The following MYO3B variants were observed in gnomAD, a reference collection of about 807,000 sequenced individuals.
The protein encoded by MYO3B is myosin IIIB, also known as myosin-IIIb.
In MYO3B, 156 loss-of-function variants were observed where a neutral mutation model predicts 174.6. The observed-to-expected ratio is 0.89, with a 90% CI of 0.78 to 1.02. The LOEUF (loss-of-function observed/expected upper bound fraction) is 1.02, where lower values mean the gene tolerates loss of function less well. Ranked by LOEUF, MYO3B falls within the 50% of genes least tolerant of loss-of-function variation. The pLI, the probability that MYO3B is intolerant of heterozygous loss-of-function variation, is 0.00. For missense variants in MYO3B, 1,632 were observed against 1,639.4 expected (o/e 1.00, Z 0.08); for synonymous variants, 563 against 569.1 (o/e 0.99, Z 0.15).
chr2:170,536,577 C>T (rs12466567), intron 30 of MYO3B, among the ~76,000 whole-genome samples: 39,510 of 152,078 alleles, frequency 0.26, 5,420 homozygotes, highest in South Asian at 0.4. Context: ...TGTACTGTTA[C>T]TGTTTCTCCT....
intron 32 of MYO3B, among the ~76,000 whole-genome samples, chr2:170,630,162 A>G (rs10209993): frequency 0.22 from 33,675 of 152,112 alleles, 4,718 homozygotes; most frequent in East Asian, 0.44. Flanking sequence ...GCCAAGGGAA[A>G]CCGTGACAGA....
At chr2:170,521,549 C>T (rs1407601596) in intron 30 of MYO3B, among the ~76,000 whole-genome samples, 1 of 152,196 alleles carries the variant, frequency 6.6e-6, no homozygotes. Flanking sequence ...TAGAATCTCT[C>T]CTTATCTTCG....
intron 28 of MYO3B, among the ~76,000 whole-genome samples, chr2:170,505,245 A>G (rs1438794450): frequency 2.0e-5 from 3 of 152,048 alleles, no homozygotes; most frequent in Admixed American, 1.3e-4. Flanking sequence ...GGTATTGTCT[A>G]TCAGTTTCTT....
chr2:170,416,375 T>C (rs1430161639), intron 22 of MYO3B, among the ~76,000 whole-genome samples: 4 of 151,820 alleles, frequency 2.6e-5, no homozygotes, highest in African/African-American at 9.7e-5. Context: ...ATACAAAAAA[T>C]TAGCCAGGCG....
At chr2:170,310,665 C>CAAAAA (rs746315736) in intron 7 of MYO3B, among the ~76,000 whole-genome samples, 43,012 of 61,302 alleles carry the variant, frequency 0.7, 16,368 homozygotes, top group East Asian at 0.88. Context: ...GACTCCATCT[C>CAAAAA]AAAAAAAAAA....
intron 7 of MYO3B, among the ~76,000 whole-genome samples, chr2:170,286,566 T>C (rs1436252761): frequency 6.6e-6 from 1 of 152,172 alleles, no homozygotes; most frequent in African/African-American, 2.4e-5. Flanking sequence ...CTTTTAATTT[T>C]TTTATATAAA....
chr2:170,511,346 G>A (rs975232633), intron 28 of MYO3B, among the ~76,000 whole-genome samples: 1 of 151,782 alleles, frequency 6.6e-6, no homozygotes, highest in Non-Finnish European at 1.5e-5. Context: ...GATTACAGGC[G>A]TGAGCCACCG....
intron 32 of MYO3B, among the ~76,000 whole-genome samples, chr2:170,569,225 C>G (rs572615375): frequency 1.2e-4 from 19 of 152,266 alleles, no homozygotes; most frequent in African/African-American, 3.4e-4. Flanking sequence ...CTGTATTTAG[C>G]TTTCTTTCAC....
At chr2:170,452,017 ATC>A (rs1191991592) in intron 23 of MYO3B, among the ~76,000 whole-genome samples, 1 of 152,118 alleles carries the variant, frequency 6.6e-6, no homozygotes, top group Non-Finnish European at 1.5e-5. Flanking sequence ...TGGGAGTCTC[ATC>A]TCTCAGTGGA....
intron 30 of MYO3B, among the ~76,000 whole-genome samples, chr2:170,531,077 C>T (rs2106171219): frequency 6.6e-6 from 1 of 152,274 alleles, no homozygotes; most frequent in African/African-American, 2.4e-5. Context: ...TCATGCCTTT[C>T]TGGATCTGTG....
intron 32 of MYO3B, among the ~76,000 whole-genome samples, chr2:170,606,290 C>A (rs552297032): frequency 9.8e-5 from 15 of 152,314 alleles, no homozygotes; most frequent in African/African-American, 3.6e-4. Flanking sequence ...AGCTTTACCT[C>A]ACATCATGAT....
chr2:170,551,350 TTATTTA>T (rs1690884579), intron 32 of MYO3B, among the ~76,000 whole-genome samples: 14 of 98,194 alleles, frequency 1.4e-4, no homozygotes, highest in Non-Finnish European at 2.1e-4. Flanking sequence ...TTTAATTTAA[TTATTTA>T]TTTATTTATT....
At chr2:170,328,466 A>G (rs1455092530) in intron 7 of MYO3B, among the ~76,000 whole-genome samples, 1 of 152,012 alleles carries the variant, frequency 6.6e-6, no homozygotes, top group South Asian at 2.1e-4. Flanking sequence ...TGTTGCCCCC[A>G]CTGCTCTGAA....
At chr2:170,257,495 A>G (rs935798740) in intron 7 of MYO3B, among the ~76,000 whole-genome samples, 4 of 152,170 alleles carry the variant, frequency 2.6e-5, no homozygotes, top group African/African-American at 9.6e-5. Flanking sequence ...CTTTTGGGTA[A>G]ATAACAAAAT....
chr2:170,402,872 G>A lies in MYO3B; in HGVS notation c.2154G>A (p.Val718=), dbSNP rs1486958276. The A allele has an allele frequency of 6.2e-7, 1 of 1,611,862 alleles. No individual in the cohort carries two copies. The highest frequency in any genetic ancestry group is 8.5e-7 in the Non-Finnish European group (1 of 1,178,362). ...GTAGTGCAGGAGGTGGAATGAATGTGGGGATCTTGGATATCTTTGGATTCG... is the reference window on the plus strand; with the variant it reads ...GTAGTGCAGGAGGTGGAATGAATGTAGGGATCTTGGATATCTTTGGATTCG... The part of the protein sequence containing the change: ...NICSAGGGMN[V]GILDIFGFEN... The change falls in exon 19 of 35, where the codon GTG becomes GTA. Residue 718 remains valine, a synonymous_variant. Coordinates refer to ENST00000408978, the MANE Select transcript of MYO3B (RefSeq NM_138995.5).
chr2:170,567,269 C>T (rs199583590), intron 32 of MYO3B, among the ~76,000 whole-genome samples: 2 of 152,046 alleles, frequency 1.3e-5, no homozygotes, highest in East Asian at 3.8e-4. Flanking sequence ...CATTCTGATA[C>T]CAAAATCATG....
rs536309513 is a variant in MYO3B at position 170,611,013 on chromosome 2, G to T, written c.3734-40615G>T. Among the ~76,000 whole-genome samples the T allele has an allele frequency of 9.9e-5, 15 of 152,280 alleles. No individual in the cohort carries two copies. The South Asian group carries it at 3.1e-3, about 32-fold the overall frequency. ...GCAGATCCATGAGACCAGAGGAGCC[G>T]TTGAGTCTGTTCTTTTCGGGAAGCA... On this transcript the variant is annotated intron_variant, in intron 32 of 34. Transcript: ENST00000408978.
At chr2:170,589,314 A>G (rs765747282) in intron 32 of MYO3B, among the ~76,000 whole-genome samples, 1 of 152,226 alleles carries the variant, frequency 6.6e-6, no homozygotes, top group Non-Finnish European at 1.5e-5. Context: ...ACTACTATGG[A>G]CATTATTTCT....
At position 170,607,066 on chromosome 2, in the gene MYO3B, A is replaced by G. The variant is rs1694858262; in HGVS notation, c.3734-44562A>G. ...ATAAAATAAAATACAAGTAATAAAT[A>G]TACTCTTCTCTTAATAAGTAATTAT... On this transcript the variant is annotated intron_variant, in intron 32 of 34. Transcript: ENST00000408978. Among the ~76,000 whole-genome samples the G allele has an allele frequency of 2.6e-5, 4 of 152,290 alleles. 1 individual carries two copies. In the South Asian group the frequency reaches 6.2e-4, roughly 24 times the overall value.
Sources: gnomAD v4.1 joint callset for allele counts (sites outside exome capture counted in the v4.1 genomes callset) on GRCh38, gnomAD v4.1.1 for gene constraint, MANE v1.5 for transcripts, NCBI Gene and HGNC (gene_info 2026-07-23, HGNC 2026-07-21) for gene names.